The following RALGAPA1 variants were observed in gnomAD, a reference collection of about 807,000 sequenced individuals.
The protein encoded by RALGAPA1 is Ral GTPase activating protein catalytic subunit alpha 1.
RALGAPA1 carries 52 observed loss-of-function variants against 269.6 expected under a neutral mutation model. That is an observed-to-expected ratio of 0.19 (90% CI 0.15 to 0.24). The LOEUF is 0.24. RALGAPA1 is among the 10% of genes least tolerant of loss of function. The pLI, the probability that RALGAPA1 is intolerant of heterozygous loss-of-function variation, is 1.00. For synonymous variants in RALGAPA1, 817 were observed against 1,008.3 expected (o/e 0.81, Z 3.60); for missense variants, 1,917 against 3,013.9 (o/e 0.64, Z 8.52).
chr14:35,572,845 A>C (rs1392784792), intron 37 of RALGAPA1, 127 bp from the exon 38 acceptor site: 4 of 553,670 alleles, frequency 7.2e-6, no homozygotes, highest in Non-Finnish European at 1.2e-5. Context: ...GATCAGTTTT[A>C]CATATGAAAC....
chr14:35,715,768 C>T, intron 16 of RALGAPA1: 2 of 985,358 alleles, frequency 2.0e-6, no homozygotes, highest in Non-Finnish European at 2.4e-6. Context: ...TCAATTCAGT[C>T]ATCCAACCTT....
intron 35 of RALGAPA1, among the ~76,000 whole-genome samples, chr14:35,617,202 C>A (rs1339531275): frequency 1.3e-5 from 2 of 152,080 alleles, no homozygotes; most frequent in Non-Finnish European, 2.9e-5. Context: ...AGGAGGGGGA[C>A]TGGGAATGGT....
intron 10 of RALGAPA1, chr14:35,748,378 C>CTT (rs35805261): frequency 3.3e-4 from 84 of 253,670 alleles, no homozygotes; most frequent in Non-Finnish European, 4.2e-4. Flanking sequence ...CTCTCTCGCT[C>CTT]TTTTTTTTTT....
intron 17 of RALGAPA1, among the ~76,000 whole-genome samples, chr14:35,699,833 A>G (rs766696491): frequency 1.3e-5 from 2 of 151,390 alleles, no homozygotes; most frequent in Non-Finnish European, 2.9e-5. Flanking sequence ...CAAGACTTCT[A>G]TTATATAAAT....
intron 15 of RALGAPA1, among the ~76,000 whole-genome samples, chr14:35,722,386 C>T (rs1183845506): frequency 2.0e-5 from 3 of 152,204 alleles, no homozygotes; most frequent in Middle Eastern, 3.4e-3. Flanking sequence ...TGGAGGTGGG[C>T]AGATTGTTTG....
Position 35,748,603 on chromosome 14 carries a change from C to T in RALGAPA1, c.1233G>A (p.Val411=), listed in dbSNP as rs780902647. The change falls in exon 10 of 42, where the codon GTG becomes GTA. Residue 411 remains valine, a synonymous_variant. Transcript: ENST00000680220. ...ATGTTACCTGACGAAATATCTCTGT[C>T]ACAAAGTTTACATTACTCCTTTTAG... ...FSSKRSNVNF[V]TEIFRQAFLL... 5.6e-6 allele frequency: 9 copies of T among 1,607,566 alleles called. No individual in the cohort carries two copies. In the Admixed American group the frequency reaches 1.0e-4, roughly 18 times the overall value.
intron 31 of RALGAPA1, among the ~76,000 whole-genome samples, chr14:35,644,623 G>T (rs2062265520): frequency 6.6e-6 from 1 of 152,190 alleles, no homozygotes. Context: ...GCACAAAGAA[G>T]TAAACATATC....
In RALGAPA1 at chr14:35,630,793, C is replaced by G. The variant is rs530830886; in HGVS notation, c.5996-2842G>C. 5.3e-5 allele frequency among the ~76,000 whole-genome samples: 8 copies of G among 152,174 alleles called. No individual in the cohort carries two copies. In the East Asian group the frequency reaches 1.5e-3, roughly 29 times the overall value. On this transcript the variant is annotated intron_variant, in intron 33 of 41. Transcript: ENST00000680220. Reference sequence around the variant, plus strand: ...GGCTGAGGCAGGAGAATCACTTGAACCTGGCAGGCGGAGGTTGCAGTGAAC... The same window carrying G: ...GGCTGAGGCAGGAGAATCACTTGAAGCTGGCAGGCGGAGGTTGCAGTGAAC...
At chr14:35,671,578 T>C in intron 25 of RALGAPA1, 61 bp from the exon 26 acceptor site, 3 of 856,378 alleles carry the variant, frequency 3.5e-6, no homozygotes, top group Non-Finnish European at 5.7e-6. Context: ...TATCAGCTAA[T>C]CAGTATCATT....
At chr14:35,671,176 A>G (rs1237405560) in intron 26 of RALGAPA1, among the ~76,000 whole-genome samples, 1 of 151,770 alleles carries the variant, frequency 6.6e-6, no homozygotes, top group African/African-American at 2.4e-5. Context: ...AGATTTCCTC[A>G]ACTTTAAATC....
chr14:35,609,459 A>C (rs1448248636), intron 35 of RALGAPA1, among the ~76,000 whole-genome samples: 2 of 152,194 alleles, frequency 1.3e-5, no homozygotes, highest in South Asian at 4.1e-4. Flanking sequence ...ATGAAAATAA[A>C]AAATGAAAAT....
chr14:35,737,600 T>C (rs1046039113), intron 12 of RALGAPA1, among the ~76,000 whole-genome samples: 1 of 147,338 alleles, frequency 6.8e-6, no homozygotes, highest in Non-Finnish European at 1.5e-5. Context: ...CTACTGAAAA[T>C]ACAAAAAAAT....
At chr14:35,751,592 T>C (rs2072688230) in intron 8 of RALGAPA1, among the ~76,000 whole-genome samples, 1 of 151,962 alleles carries the variant, frequency 6.6e-6, no homozygotes, top group African/African-American at 2.4e-5. Flanking sequence ...AAGACCAGCC[T>C]GGGCAACATA....
At position 35,689,333 on chromosome 14, in the gene RALGAPA1, G is replaced by A; in HGVS notation, c.3078C>T (p.Asp1026=). 1.6e-6 allele frequency: 2 copies of A among 1,232,182 alleles called. No homozygotes were observed. Among genetic ancestry groups the A allele is most frequent in the African/African-American group, 1.6e-5 (1 of 64,508 alleles). 76.3% of individuals were successfully genotyped at this position (1,232,182 alleles called of 1,614,324 possible). Residue 1026 remains aspartate, a synonymous_variant, in exon 18 of 42, where the codon GAC becomes GAT. Coordinates refer to ENST00000680220, the MANE Select transcript of RALGAPA1 (RefSeq NM_001346249.2). ...FMSNIAPNQS[D]SFFRTQTSEK... ...CAGAAGTTTGTGTTCTAAAAAAACT[G>A]TCTGACTGGTTAGGTGCGATATTAC...
At chr14:35,713,946 T>A (rs2140875746) in intron 16 of RALGAPA1, among the ~76,000 whole-genome samples, 1 of 151,998 alleles carries the variant, frequency 6.6e-6, no homozygotes, top group African/African-American at 2.4e-5. Flanking sequence ...AAAACAAAAA[T>A]TAGCCAGGCG....
At chr14:35,714,173 T>A (rs1567067519) in intron 16 of RALGAPA1, among the ~76,000 whole-genome samples, 1 of 151,872 alleles carries the variant, frequency 6.6e-6, no homozygotes, top group Non-Finnish European at 1.5e-5. Flanking sequence ...GATTGCTGGG[T>A]CATATAATTT....
At chr14:35,594,587 A>G (rs909053518) in intron 37 of RALGAPA1, among the ~76,000 whole-genome samples, 3 of 152,108 alleles carry the variant, frequency 2.0e-5, no homozygotes, top group African/African-American at 7.2e-5. Context: ...AATTAAAACC[A>G]CTATGAGATA....
At chr14:35,788,647 A>G (rs1176486822) in intron 1 of RALGAPA1, among the ~76,000 whole-genome samples, 2 of 152,234 alleles carry the variant, frequency 1.3e-5, no homozygotes, top group East Asian at 1.9e-4. Flanking sequence ...TCTTTGCTCA[A>G]TTAAACTCTG....
At chr14:35,577,610 G>GA (rs2057663843) in intron 37 of RALGAPA1, among the ~76,000 whole-genome samples, 1 of 152,090 alleles carries the variant, frequency 6.6e-6, no homozygotes, top group Non-Finnish European at 1.5e-5. Context: ...CAGCCTGAAT[G>GA]GACTAAGACA....
Sources: allele counts gnomAD v4.1 joint callset (sites outside exome capture counted in the v4.1 genomes callset), GRCh38; gene constraint gnomAD v4.1.1; transcripts MANE v1.5; gene names NCBI Gene and HGNC (gene_info 2026-07-23, HGNC 2026-07-21).